Variants in RBMS3 observed in about 807,000 individuals in gnomAD.
The protein encoded by RBMS3 is RNA binding motif single stranded interacting protein 3.
In RBMS3, 27 loss-of-function variants were observed where a neutral mutation model predicts 66.8. The observed-to-expected ratio is 0.40, with a 90% CI of 0.30 to 0.56. The LOEUF (loss-of-function observed/expected upper bound fraction) is 0.56. RBMS3 is among the 20% of genes least tolerant of loss of function. The pLI is 0.40. For synonymous variants in RBMS3, 188 were observed against 183.0 expected, an observed-to-expected ratio of 1.03 and a Z score of -0.22; for missense variants, 513 against 549.5, an observed-to-expected ratio of 0.93 and a Z score of 0.66.
At chr3:29,510,524 C>A (rs192310387) in intron 3 of RBMS3, among the ~76,000 whole-genome samples, 7 of 152,194 alleles carry the variant, frequency 4.6e-5, no homozygotes, top group Admixed American at 3.3e-4. Context: ...GGTTGAGTAT[C>A]CCTTTTCTGA....
intron 12 of RBMS3, among the ~76,000 whole-genome samples, chr3:29,975,102 A>G (rs1362997800): frequency 1.4e-5 from 2 of 142,830 alleles, no homozygotes; most frequent in South Asian, 4.3e-4. Flanking sequence ...TTCTATATTT[A>G]TATATTTTAT....
intron 3 of RBMS3, among the ~76,000 whole-genome samples, chr3:29,573,354 C>G (rs1330239689): frequency 6.6e-6 from 1 of 152,190 alleles, no homozygotes; most frequent in Non-Finnish European, 1.5e-5. Context: ...CTCCCAACCT[C>G]TGGTGATTTG....
Position 29,281,572 on chromosome 3 carries a change from C to G in RBMS3, c.-110C>G. On this transcript the variant is annotated 5_prime_UTR_variant, in exon 1 of 15. Transcript: ENST00000383767. ...CTAGCGAGTGGTGGAGTCTCTGAAGCCTCATCAGTCACCGGGACTGTCAGG... is the reference window on the plus strand; with the variant it reads ...CTAGCGAGTGGTGGAGTCTCTGAAGGCTCATCAGTCACCGGGACTGTCAGG... The G allele has an allele frequency of 1.2e-6, 1 of 809,448 alleles. No individual in the cohort carries two copies. Among genetic ancestry groups the G allele is most frequent in the Non-Finnish European group, 2.1e-6 (1 of 477,232 alleles). The allele number at this position is 809,448 out of a possible 1,614,324, so 50.1% of individuals were successfully genotyped here. A position where few individuals can be genotyped will look rare whatever the true frequency, so the allele number is the denominator to read the frequency against.
intron 6 of RBMS3, among the ~76,000 whole-genome samples, chr3:29,830,609 G>A (rs908252454): frequency 1.3e-5 from 2 of 152,098 alleles, no homozygotes; most frequent in African/African-American, 4.8e-5. Flanking sequence ...GAGACTTTCC[G>A]TTGATGATAA....
intron 3 of RBMS3, 130 bp from the exon 4 acceptor site, chr3:29,586,984 C>T: frequency 1.6e-6 from 1 of 607,778 alleles, no homozygotes; most frequent in East Asian, 3.0e-5. Context: ...AATCTAAGAG[C>T]CTAATGTTCA....
intron 5 of RBMS3, among the ~76,000 whole-genome samples, chr3:29,756,829 A>C (rs1298275095): frequency 6.6e-6 from 1 of 152,204 alleles, no homozygotes; most frequent in Non-Finnish European, 1.5e-5. Context: ...CTCAAATGAA[A>C]GAAATGCATA....
rs201818764 is a variant in RBMS3 at position 29,574,828 on chromosome 3, A to AACACACAC, written c.308-12258_308-12251dup. ...AAACTTAACACTGATTGCATAAGAA[A>AACACACAC]ACACACACACACACACACACACACA... is the stretch of plus-strand genomic sequence containing the variant. On this transcript the variant is annotated intron_variant, in intron 3 of 14. Coordinates refer to ENST00000383767, the MANE Select transcript of RBMS3 (RefSeq NM_001003793.3). Among the ~76,000 whole-genome samples the AACACACAC allele has an allele frequency of 5.5e-4, 81 of 146,950 alleles. 2 individuals carry two copies. The East Asian group carries it at 0.011, about 20-fold the overall frequency.
chr3:29,784,826 C>G (rs2056765468), intron 6 of RBMS3, among the ~76,000 whole-genome samples: 1 of 151,888 alleles, frequency 6.6e-6, no homozygotes, highest in Non-Finnish European at 1.5e-5. Flanking sequence ...TCCAAATAAC[C>G]TCATTAAGAA....
At chr3:29,882,069 G>A (rs533795470) in intron 7 of RBMS3, among the ~76,000 whole-genome samples, 19 of 152,206 alleles carry the variant, frequency 1.2e-4, no homozygotes, top group African/African-American at 4.6e-4. Flanking sequence ...CCGCATCTTG[G>A]ATAAATTAGG....
At chr3:29,303,359 C>G (rs1455871822) in intron 1 of RBMS3, among the ~76,000 whole-genome samples, 1 of 152,010 alleles carries the variant, frequency 6.6e-6, no homozygotes, top group Non-Finnish European at 1.5e-5. Flanking sequence ...AGGTGTTTCT[C>G]TTTTGTATTA....
intron 1 of RBMS3, among the ~76,000 whole-genome samples, chr3:29,358,535 T>C (rs1278409744): frequency 1.3e-5 from 2 of 151,990 alleles, no homozygotes; most frequent in East Asian, 1.9e-4. Flanking sequence ...GCAGGCTCTT[T>C]GTTGGTTCCA....
At chr3:29,643,781 G>A (rs999910249) in intron 4 of RBMS3, among the ~76,000 whole-genome samples, 1 of 152,110 alleles carries the variant, frequency 6.6e-6, no homozygotes, top group African/African-American at 2.4e-5. Context: ...TAGTTCTGTC[G>A]TTGTCTCTGA....
chr3:29,374,991 G>A (rs2038391659), intron 1 of RBMS3, among the ~76,000 whole-genome samples: 1 of 152,116 alleles, frequency 6.6e-6, no homozygotes, highest in Non-Finnish European at 1.5e-5. Flanking sequence ...AAAACAGCAT[G>A]GTACTAGTAC....
intron 10 of RBMS3, among the ~76,000 whole-genome samples, chr3:29,922,486 T>A (rs2060814185): frequency 1.1e-5 from 1 of 90,588 alleles, no homozygotes; most frequent in Non-Finnish European, 2.1e-5. Flanking sequence ...AGAGCGAGAC[T>A]CCGTCTCAAA....
chr3:29,478,930 C>T (rs532650665), intron 2 of RBMS3, among the ~76,000 whole-genome samples: 2 of 152,192 alleles, frequency 1.3e-5, no homozygotes, highest in African/African-American at 2.4e-5. Flanking sequence ...AATTTTTCTG[C>T]GTTTTAAAGG....
At chr3:29,815,530 A>G (rs775544859) in intron 6 of RBMS3, among the ~76,000 whole-genome samples, 2 of 152,156 alleles carry the variant, frequency 1.3e-5, no homozygotes, top group Non-Finnish European at 2.9e-5. Flanking sequence ...TAAAATTAAA[A>G]TTAGGAACAG....
intron 1 of RBMS3, among the ~76,000 whole-genome samples, chr3:29,402,803 T>C (rs2125669373): frequency 6.6e-6 from 1 of 152,178 alleles, no homozygotes. Context: ...CACAGAACTT[T>C]ACATCATATA....
intron 3 of RBMS3, among the ~76,000 whole-genome samples, chr3:29,577,054 C>T (rs1278579641): frequency 6.6e-6 from 1 of 152,172 alleles, no homozygotes; most frequent in Non-Finnish European, 1.5e-5. Context: ...AGCCCAAGGC[C>T]CATAGCAAAC....
intron 7 of RBMS3, among the ~76,000 whole-genome samples, chr3:29,877,487 C>T (rs2059636020): frequency 6.6e-6 from 1 of 152,142 alleles, no homozygotes; most frequent in Admixed American, 6.5e-5. Flanking sequence ...ATAGTGAGGA[C>T]CATTTCACAG....
Sources: allele counts gnomAD v4.1 joint callset (sites outside exome capture counted in the v4.1 genomes callset), GRCh38; gene constraint gnomAD v4.1.1; transcripts MANE v1.5; gene names NCBI Gene and HGNC (gene_info 2026-07-23, HGNC 2026-07-21).